The following KCNIP4 variants were observed in gnomAD, a reference collection of about 807,000 sequenced individuals.
The protein encoded by KCNIP4 is potassium voltage-gated channel interacting protein 4.
KCNIP4 carries 12 observed loss-of-function variants against 34.0 expected under a neutral mutation model. The ratio of observed to expected loss-of-function variants is 0.35; its 90% CI spans 0.23 to 0.57. KCNIP4 has a LOEUF of 0.57. Among genes scored for constraint, KCNIP4 ranks in the 20% least tolerant of loss-of-function variants. KCNIP4 has a pLI of 0.83. For synonymous variants in KCNIP4, 124 were observed against 102.2 expected (o/e 1.21, Z -1.29); for missense variants, 238 against 311.7 (o/e 0.76, Z 1.78).
intron 1 of KCNIP4, among the ~76,000 whole-genome samples, chr4:20,987,669 T>C (rs1736696953): frequency 6.6e-6 from 1 of 152,122 alleles, no homozygotes; most frequent in Admixed American, 6.5e-5. Flanking sequence ...CCAACATTTA[T>C]GGAGAACTTT....
At chr4:21,700,766 T>G (rs752974112) in intron 1 of KCNIP4, among the ~76,000 whole-genome samples, 32 of 151,300 alleles carry the variant, frequency 2.1e-4, no homozygotes, top group Middle Eastern at 3.4e-3. Context: ...TGAGTTAATA[T>G]TTTTGTATAT....
chr4:21,801,811 C>T (rs969585792), intron 1 of KCNIP4, among the ~76,000 whole-genome samples: 1 of 151,566 alleles, frequency 6.6e-6, no homozygotes, highest in Admixed American at 6.6e-5. Flanking sequence ...CTGCACAGCA[C>T]CAGGATGTAG....
chr4:21,116,961 CA>C (rs1157991523), intron 1 of KCNIP4, among the ~76,000 whole-genome samples: 3 of 152,170 alleles, frequency 2.0e-5, no homozygotes, highest in Non-Finnish European at 4.4e-5. Flanking sequence ...GAAATAATAT[CA>C]TTATAATTAA....
At chr4:21,304,101 G>GACAGAGAGAGAC (rs1712142018) in intron 1 of KCNIP4, 1 of 541,220 alleles carries the variant, frequency 1.8e-6, no homozygotes, top group Admixed American at 4.1e-5. Flanking sequence ...GAGAGAGAGA[G>GACAGAGAGAGAC]AGAGAGACAG....
At chr4:21,763,139 T>G (rs2109173444) in intron 1 of KCNIP4, 1 of 1,269,280 alleles carries the variant, frequency 7.9e-7, no homozygotes, top group Non-Finnish European at 1.0e-6. Context: ...ATTCCTTCAC[T>G]GTGGTTGAAT....
intron 1 of KCNIP4, among the ~76,000 whole-genome samples, chr4:21,257,454 G>C (rs1299368407): frequency 6.6e-6 from 1 of 152,032 alleles, no homozygotes; most frequent in Non-Finnish European, 1.5e-5. Flanking sequence ...AACTGTATCA[G>C]AAACTCTAGG....
At chr4:20,807,098 A>G (rs1340610369) in intron 3 of KCNIP4, among the ~76,000 whole-genome samples, 1 of 152,116 alleles carries the variant, frequency 6.6e-6, no homozygotes, top group Non-Finnish European at 1.5e-5. Context: ...GTGCTGAGTT[A>G]ATTCTCTCAC....
At chr4:21,646,907 G>C (rs996910852) in intron 1 of KCNIP4, among the ~76,000 whole-genome samples, 3 of 151,956 alleles carry the variant, frequency 2.0e-5, no homozygotes, top group Non-Finnish European at 4.4e-5. Flanking sequence ...GTAAAATTTA[G>C]ATTTACAATT....
chr4:21,464,017 C>T (rs572757973), intron 1 of KCNIP4, among the ~76,000 whole-genome samples: 30 of 152,084 alleles, frequency 2.0e-4, no homozygotes, highest in Middle Eastern at 6.8e-3. Flanking sequence ...TCACAGCATT[C>T]CTATATGATC....
intron 1 of KCNIP4, among the ~76,000 whole-genome samples, chr4:21,605,654 T>A (rs368924807): frequency 5.9e-5 from 9 of 152,210 alleles, no homozygotes; most frequent in African/African-American, 2.2e-4. Context: ...CTAATTTTTG[T>A]ATTTTTAGTA....
At chr4:21,920,873 C>CTTTTTTTTTTTTTTTTTTTTTTTTTT (rs1728899285) in intron 1 of KCNIP4, among the ~76,000 whole-genome samples, 10 of 151,640 alleles carry the variant, frequency 6.6e-5, no homozygotes, top group African/African-American at 2.4e-4. Context: ...TGTACATTTT[C>CTTTTTTTTTTTTTTTTTTTTTTTTTT]TTTGTTTGCT....
At chr4:21,400,142 T>C (rs1560368524) in intron 1 of KCNIP4, among the ~76,000 whole-genome samples, 1 of 152,208 alleles carries the variant, frequency 6.6e-6, no homozygotes, top group Non-Finnish European at 1.5e-5. Context: ...ATGTCAATCA[T>C]GACCCACTAT....
chr4:21,915,810 C>CT (rs1191617676), intron 1 of KCNIP4, among the ~76,000 whole-genome samples: 1 of 152,148 alleles, frequency 6.6e-6, no homozygotes, highest in Non-Finnish European at 1.5e-5. Flanking sequence ...ATGTCATGTT[C>CT]TTTTTTATTT....
At chr4:21,613,842 C>T (rs1040555365) in intron 1 of KCNIP4, 1 of 152,106 alleles carries the variant, frequency 6.6e-6, no homozygotes. Context: ...CCCACCAACA[C>T]TTTCATTTAT....
chr4:21,881,403 T>C (rs1365084896), intron 1 of KCNIP4, among the ~76,000 whole-genome samples: 1 of 152,132 alleles, frequency 6.6e-6, no homozygotes, highest in South Asian at 2.1e-4. Context: ...AATAGTACCC[T>C]AGGATAAAAT....
intron 1 of KCNIP4, among the ~76,000 whole-genome samples, chr4:21,024,886 C>G (rs751355906): frequency 1.3e-5 from 2 of 152,080 alleles, no homozygotes; most frequent in African/African-American, 4.8e-5. Context: ...CTTAAAGTGT[C>G]CAACCCTTCA....
At chr4:21,556,285 A>C (rs937758950) in intron 1 of KCNIP4, among the ~76,000 whole-genome samples, 4 of 152,152 alleles carry the variant, frequency 2.6e-5, no homozygotes, top group Non-Finnish European at 2.9e-5. Flanking sequence ...GTGTTTTATC[A>C]ACAAATATAT....
intron 1 of KCNIP4, among the ~76,000 whole-genome samples, chr4:21,021,187 G>A (rs1740002880): frequency 6.6e-6 from 1 of 152,088 alleles, no homozygotes. Flanking sequence ...TAACATACCT[G>A]AACATAGAAG....
At chr4:21,259,305 G>A (rs889369344) in intron 1 of KCNIP4, among the ~76,000 whole-genome samples, 1 of 152,190 alleles carries the variant, frequency 6.6e-6, no homozygotes, top group Non-Finnish European at 1.5e-5. Flanking sequence ...GACTGGCCTA[G>A]TTCATGTGGT....
Sources: allele counts gnomAD v4.1 joint callset (sites outside exome capture counted in the v4.1 genomes callset), GRCh38; gene constraint gnomAD v4.1.1; transcripts MANE v1.5; gene names NCBI Gene and HGNC (gene_info 2026-07-23, HGNC 2026-07-21).